RMDN1: variants seen among roughly 807,000 people sequenced by gnomAD.
The protein encoded by RMDN1 is regulator of microtubule dynamics protein 1.
RMDN1 carries 48 observed loss-of-function variants against 48.9 expected under a neutral mutation model. That is an observed-to-expected ratio of 0.98 (90% confidence interval 0.78 to 1.25). The LOEUF is 1.25. RMDN1 is among the 50% of genes most tolerant of loss of function. The pLI, the probability that RMDN1 is intolerant of heterozygous loss-of-function variation, is 0.00. For synonymous variants in RMDN1, 148 were observed against 132.6 expected (o/e 1.12, Z -0.80); for missense variants, 418 against 373.4 (o/e 1.12, Z -0.98).
chr8:86,475,195 A>C (rs924345887), intron 8 of RMDN1: 40 of 370,264 alleles, frequency 1.1e-4, no homozygotes, highest in Admixed American at 6.3e-4. Context: ...CATTTTCACA[A>C]CTTTGTAAGT....
At chr8:86,487,569 C>T (rs10110323) in intron 3 of RMDN1, among the ~76,000 whole-genome samples, 18,874 of 151,934 alleles carry the variant, frequency 0.12, 1,571 homozygotes, top group Non-Finnish European at 0.18. Context: ...GCTTGGACAA[C>T]AAGAGCAAAA....
intron 2 of RMDN1, among the ~76,000 whole-genome samples, chr8:86,498,768 G>A (rs113571036): frequency 1.6e-4 from 25 of 152,226 alleles, no homozygotes; most frequent in African/African-American, 6.0e-4. Context: ...GTGACAGAGT[G>A]AGACCCTGTC....
intron 5 of RMDN1, chr8:86,482,582 G>A (rs1322642237): frequency 2.7e-6 from 2 of 749,210 alleles, no homozygotes; most frequent in East Asian, 2.5e-5. Context: ...AAGTTAATGA[G>A]TGAGTTTTTG....
intron 2 of RMDN1, among the ~76,000 whole-genome samples, chr8:86,491,300 A>G (rs1212790237): frequency 6.6e-6 from 1 of 151,936 alleles, no homozygotes; most frequent in Non-Finnish European, 1.5e-5. Context: ...ACGCCCAGCT[A>G]ATTTTTTGTA....
At chr8:86,500,910 C>T (rs1054402137) in intron 2 of RMDN1, among the ~76,000 whole-genome samples, 14 of 152,168 alleles carry the variant, frequency 9.2e-5, no homozygotes, top group African/African-American at 3.1e-4. Context: ...ATGGATGCAG[C>T]TGCAGGCCAT....
chr8:86,486,986 A>G (rs1373343683), intron 3 of RMDN1, among the ~76,000 whole-genome samples: 1 of 152,226 alleles, frequency 6.6e-6, no homozygotes, highest in African/African-American at 2.4e-5. Context: ...TGTGTTTCAA[A>G]TAACTCACTC....
rs543759018 is a variant in RMDN1 at position 86,507,102 on chromosome 8, T to C, written c.140A>G (p.Asn47Ser). ...AAGGCCTCTTTTGAAAGTTCCTGGG[T>C]TTCCCATTACCTATGGAAACAATTA... ...CRFRGFEVMG[N>S]PGTFKRGLLL... Residue 47 changes from asparagine (N) to serine (S), a missense_variant, in exon 2 of 10, where the codon AAC becomes AGC. By Grantham distance (46) the Asn-to-Ser change is conservative (BLOSUM62 1). Coordinates refer to ENST00000406452, the MANE Select transcript of RMDN1 (RefSeq NM_016033.3). The C allele has an allele frequency of 1.3e-6, 2 of 1,599,730 alleles. No homozygotes were observed. Among genetic ancestry groups the C allele is most frequent in the South Asian group, 1.1e-5 (1 of 90,770 alleles).
Position 86,506,870 on chromosome 8 carries a change from T to C in RMDN1, c.247+125A>G, listed in dbSNP as rs537385685. On this transcript the variant is annotated intron_variant, in intron 2 of 9. Coordinates refer to ENST00000406452, the MANE Select transcript of RMDN1 (RefSeq NM_016033.3). ...TTTTCCCATTTCTCACTGAGCAGAT[T>C]GTGAATATTTCCATATGGATTTTCT... 3.6e-4 allele frequency: 219 copies of C among 608,034 alleles called. 4 individuals carry two copies. In the South Asian group the frequency reaches 4.4e-3, roughly 12 times the overall value. The allele number at this position is 608,034 out of a possible 1,614,324, so 37.7% of individuals were successfully genotyped here. A position where few individuals can be genotyped will look rare whatever the true frequency, so the allele number is the denominator to read the frequency against.
Position 86,508,486 on chromosome 8 carries a change from G to A in RMDN1, c.129+6C>T. The A allele has an allele frequency of 1.9e-6, 3 of 1,544,816 alleles. No homozygotes were observed. The highest frequency in any genetic ancestry group is 2.6e-6 in the Non-Finnish European group (3 of 1,145,346). On this transcript the variant is annotated splice_donor_region_variant and intron_variant, in intron 1 of 9. Transcript: ENST00000406452. ...TGAGGAGCGGGAGCCAGGACCACGG[G>A]GGTACCTCGAAGCCGCGGAATCGAC... is the stretch of plus-strand genomic sequence containing the variant.
chr8:86,504,442 G>C, intron 2 of RMDN1: 1 of 1,561,006 alleles, frequency 6.4e-7, no homozygotes. Context: ...TGGAATCAAT[G>C]TTGTGTTCTA....
chr8:86,494,771 C>T, intron 2 of RMDN1: 1 of 266,458 alleles, frequency 3.8e-6, no homozygotes, highest in Admixed American at 5.1e-5. Flanking sequence ...ACTTGAGGTT[C>T]AATACCAGCC....
rs759592897 is a variant in RMDN1 at position 86,508,656 on chromosome 8, A to G, written c.-36T>C. ...TTGCGGGCTGACCCTGCACTACTTC[A>G]GGCAGCTACGGAGGCGGGCGGGGCT... On this transcript the variant is annotated 5_prime_UTR_variant, in exon 1 of 10. Transcript: ENST00000406452. 6.4e-7 allele frequency: 1 copy of G among 1,564,760 alleles called. No individual in the cohort carries two copies. The highest frequency in any genetic ancestry group is 8.7e-7 in the Non-Finnish European group (1 of 1,154,650).
rs185391057 is a variant in RMDN1, at chr8:86,500,008, C to T, written c.247+6987G>A. Among the ~76,000 whole-genome samples the T allele has an allele frequency of 1.2e-4, 19 of 152,156 alleles. No homozygotes were observed. In the East Asian group the frequency reaches 2.7e-3, roughly 22 times the overall value. Reference sequence around the variant, plus strand: ...ATATGCAGAAGATAGAAACTAGACCCCTTTCACCATATACAAAATCAACTC... The same window carrying T: ...ATATGCAGAAGATAGAAACTAGACCTCTTTCACCATATACAAAATCAACTC... On this transcript the variant is annotated intron_variant, in intron 2 of 9. Transcript: ENST00000406452.
chr8:86,472,296 G>A, downstream of RMDN1: 2 of 619,892 alleles, frequency 3.2e-6, no homozygotes, highest in Non-Finnish European at 5.8e-6. Context: ...CCAAAATGAT[G>A]CTACAGGTAG....
intron 8 of RMDN1, among the ~76,000 whole-genome samples, chr8:86,476,209 A>G (rs529734321): frequency 7.2e-5 from 11 of 152,168 alleles, no homozygotes; most frequent in Non-Finnish European, 1.5e-4. Flanking sequence ...TTTACTTTGT[A>G]ATTAACTTTT....
intron 1 of RMDN1, 59 bp from the exon 2 acceptor site, chr8:86,507,171 C>A: frequency 1.0e-6 from 1 of 1,000,224 alleles, no homozygotes; most frequent in Admixed American, 2.0e-5. Flanking sequence ...TACTGCTACC[C>A]CAAGCAAAAA....
At chr8:86,511,807 C>T (rs1427148023), upstream of RMDN1, among the ~76,000 whole-genome samples, 1 of 93,662 alleles carries the variant, frequency 1.1e-5, no homozygotes, top group African/African-American at 4.0e-5. Flanking sequence ...ACAGCAAGAA[C>T]CTGTCTCTCA....
At chr8:86,490,949 G>T (rs367631605) in intron 2 of RMDN1, among the ~76,000 whole-genome samples, 13 of 151,430 alleles carry the variant, frequency 8.6e-5, no homozygotes, top group South Asian at 4.2e-4. Context: ...CTTGACCCCA[G>T]AAGTTCAAGA....
chr8:86,495,304 C>G (rs1299649278), intron 2 of RMDN1, among the ~76,000 whole-genome samples: 1 of 152,166 alleles, frequency 6.6e-6, no homozygotes, highest in Non-Finnish European at 1.5e-5. Flanking sequence ...GTGGCCCACT[C>G]TCATCACAGA....
Sources: allele counts gnomAD v4.1 joint callset (sites outside exome capture counted in the v4.1 genomes callset), GRCh38; gene constraint gnomAD v4.1.1; transcripts MANE v1.5; gene names NCBI Gene and HGNC (gene_info 2026-07-23, HGNC 2026-07-21).